The following GPC6 variants were observed in gnomAD, a reference collection of about 807,000 sequenced individuals.
The protein encoded by GPC6 is glypican-6.
GPC6 carries 14 observed loss-of-function variants against 55.2 expected under a neutral mutation model. That is an observed-to-expected ratio of 0.25 (90% CI 0.17 to 0.40). The LOEUF is 0.40. Among genes scored for constraint, GPC6 ranks in the 10% least tolerant of loss-of-function variants. The pLI, the probability that GPC6 is intolerant of heterozygous loss-of-function variation, is 1.00. For missense variants in GPC6, 641 were observed against 708.5 expected, an observed-to-expected ratio of 0.90 and a Z score of 1.08; for synonymous variants, 278 against 259.6, an observed-to-expected ratio of 1.07 and a Z score of -0.68.
At chr13:93,306,321 A>T (rs553257073) in intron 1 of GPC6, among the ~76,000 whole-genome samples, 2 of 152,166 alleles carry the variant, frequency 1.3e-5, no homozygotes, top group African/African-American at 4.8e-5. Flanking sequence ...TGAACTGGAT[A>T]TATTTTCTTA....
chr13:94,339,106 C>T (rs898216960), intron 6 of GPC6, among the ~76,000 whole-genome samples: 1 of 151,840 alleles, frequency 6.6e-6, no homozygotes, highest in African/African-American at 2.4e-5. Flanking sequence ...GCTCTGTCAT[C>T]CAGGCTAGAG....
At chr13:93,766,323 G>A (rs1885130062) in intron 2 of GPC6, among the ~76,000 whole-genome samples, 2 of 152,234 alleles carry the variant, frequency 1.3e-5, no homozygotes, top group South Asian at 4.1e-4. Flanking sequence ...GCATGGGTAA[G>A]TTTCAAGTCT....
At chr13:94,307,288 G>A (rs1366503761) in intron 6 of GPC6, among the ~76,000 whole-genome samples, 1 of 152,004 alleles carries the variant, frequency 6.6e-6, no homozygotes, top group Non-Finnish European at 1.5e-5. Flanking sequence ...TGTAGTTGCT[G>A]CAACCTTCTA....
intron 3 of GPC6, among the ~76,000 whole-genome samples, chr13:93,923,359 C>G (rs1230149467): frequency 6.6e-6 from 1 of 152,126 alleles, no homozygotes. Context: ...TCATATCCAC[C>G]TGCTGAGTGA....
chr13:93,411,458 T>C (rs1340874076), intron 1 of GPC6, among the ~76,000 whole-genome samples: 1 of 152,134 alleles, frequency 6.6e-6, no homozygotes, highest in East Asian at 1.9e-4. Context: ...CAAATGTTGA[T>C]TGAGAAAGAA....
chr13:93,793,860 G>T (rs1886120914), intron 2 of GPC6, among the ~76,000 whole-genome samples: 1 of 152,138 alleles, frequency 6.6e-6, no homozygotes, highest in African/African-American at 2.4e-5. Flanking sequence ...ACTCTGCTAG[G>T]AAATTTTCAA....
chr13:93,434,541 A>G (rs1353545617), intron 1 of GPC6, among the ~76,000 whole-genome samples: 2 of 152,154 alleles, frequency 1.3e-5, no homozygotes, highest in African/African-American at 4.8e-5. Context: ...ATTGTAAGCC[A>G]TGAGTAGTTG....
intron 2 of GPC6, among the ~76,000 whole-genome samples, chr13:93,645,474 G>A (rs1347267266): frequency 1.3e-5 from 2 of 152,048 alleles, no homozygotes; most frequent in Non-Finnish European, 2.9e-5. Context: ...TGGCAAAGGG[G>A]GAGCAAGCTT....
intron 3 of GPC6, among the ~76,000 whole-genome samples, chr13:93,887,269 A>C (rs1293888931): frequency 6.6e-6 from 1 of 152,132 alleles, no homozygotes; most frequent in Non-Finnish European, 1.5e-5. Flanking sequence ...AGGGAACAAT[A>C]ATGACTGAAA....
intron 1 of GPC6, among the ~76,000 whole-genome samples, chr13:93,469,243 C>A (rs1166576807): frequency 6.6e-6 from 1 of 151,806 alleles, no homozygotes; most frequent in African/African-American, 2.4e-5. Flanking sequence ...GTATTGTATT[C>A]AATTATTTCT....
chr13:93,223,816 C>G (rs924108638), upstream of GPC6, among the ~76,000 whole-genome samples: 2 of 151,960 alleles, frequency 1.3e-5, no homozygotes, highest in African/African-American at 4.8e-5. Context: ...CCTGCCAATC[C>G]TTTCCTCAGA....
intron 4 of GPC6, among the ~76,000 whole-genome samples, chr13:94,153,946 CTT>C (rs2138900569): frequency 6.6e-6 from 1 of 152,218 alleles, no homozygotes; most frequent in African/African-American, 2.4e-5. Flanking sequence ...CAAGAAAACA[CTT>C]TTTATATGAA....
intron 4 of GPC6, among the ~76,000 whole-genome samples, chr13:94,035,987 G>T (rs534779758): frequency 6.6e-6 from 1 of 151,978 alleles, no homozygotes; most frequent in Admixed American, 6.6e-5. Context: ...CTGTCTTTGT[G>T]ACTTGTTTAT....
At chr13:94,370,518 A>C (rs1879494261) in intron 6 of GPC6, among the ~76,000 whole-genome samples, 1 of 152,228 alleles carries the variant, frequency 6.6e-6, no homozygotes. Context: ...AGAAGTGTTT[A>C]ATGAAGGAAT....
chr13:93,935,579 G>A (rs975175230), intron 3 of GPC6, among the ~76,000 whole-genome samples: 3 of 152,042 alleles, frequency 2.0e-5, no homozygotes, highest in Non-Finnish European at 4.4e-5. Context: ...AGGAAATTTT[G>A]CCTATTCCTT....
intron 1 of GPC6, among the ~76,000 whole-genome samples, chr13:93,267,625 A>G (rs1877368745): frequency 6.6e-6 from 1 of 152,182 alleles, no homozygotes; most frequent in Non-Finnish European, 1.5e-5. Context: ...TATTATTTTC[A>G]GTCACTATAA....
chr13:93,501,266 T>C (rs1880510102), intron 1 of GPC6, among the ~76,000 whole-genome samples: 1 of 152,070 alleles, frequency 6.6e-6, no homozygotes, highest in African/African-American at 2.4e-5. Context: ...CCAATTTGAT[T>C]CAGACTCCTC....
chr13:93,970,139 C>T (rs375124704), intron 3 of GPC6, among the ~76,000 whole-genome samples: 5 of 152,048 alleles, frequency 3.3e-5, no homozygotes, highest in South Asian at 2.1e-4. Flanking sequence ...TTATTCTTTT[C>T]GATTTTTCCA....
chr13:94,272,917 CCCTGGAA>C (rs1330997734), intron 4 of GPC6, among the ~76,000 whole-genome samples: 121 of 152,198 alleles, frequency 8.0e-4, no homozygotes, highest in Admixed American at 2.2e-3. Context: ...CTCCTCGTGT[CCCTGGAA>C]CTCAGTGACC....
Sources: gnomAD v4.1 joint callset for allele counts (sites outside exome capture counted in the v4.1 genomes callset) on GRCh38, gnomAD v4.1.1 for gene constraint, MANE v1.5 for transcripts, NCBI Gene and HGNC (gene_info 2026-07-23, HGNC 2026-07-21) for gene names.